UBE3B: variants seen among roughly 807,000 people sequenced by gnomAD.
UBE3B encodes ubiquitin protein ligase E3B.
Under a neutral mutation model 132.3 loss-of-function variants are expected in UBE3B, and 80 were observed. The observed-to-expected ratio is 0.60, with a 90% CI of 0.50 to 0.73. The LOEUF is 0.73. Ranked by LOEUF, UBE3B falls within the 30% of genes least tolerant of loss-of-function variation. The pLI is 0.00. For missense variants in UBE3B, 1,196 were observed against 1,362.5 expected (o/e 0.88, Z 1.92); for synonymous variants, 487 against 520.4 (o/e 0.94, Z 0.87).
chr12:109,501,456 C>G lies in UBE3B; in HGVS notation c.1204C>G (p.Leu402Val). ...GATCCGGATCTTCTTCTGTGACATCCTGAGCAAGAAGCTACTGGAGAGCCA... is the reference window on the plus strand; with the variant it reads ...GATCCGGATCTTCTTCTGTGACATCGTGAGCAAGAAGCTACTGGAGAGCCA... Reference protein sequence around the residue: ...PLIRIFFCDILSKKLLESQEP... With the variant: ...PLIRIFFCDIVSKKLLESQEP... The change falls in exon 13 of 28, where the codon CTG becomes GTG. Residue 402 changes from leucine (L) to valine (V), a missense_variant. Leu to Val is a conservative substitution (Grantham distance 32, BLOSUM62 1). Transcript: ENST00000342494. The G allele has an allele frequency of 4.3e-6, 7 of 1,614,174 alleles. No homozygotes were observed. The highest frequency in any genetic ancestry group is 5.9e-6 in the Non-Finnish European group (7 of 1,180,010).
At chr12:109,498,157 G>A (rs1437776749) in intron 10 of UBE3B, 76 bp from the exon 11 acceptor site, 1 of 1,578,508 alleles carries the variant, frequency 6.3e-7, no homozygotes, top group African/African-American at 1.4e-5. Flanking sequence ...CGGGTGATCT[G>A]CAAGTGATCA....
At chr12:109,480,322 A>G (rs775413330) in intron 1 of UBE3B, among the ~76,000 whole-genome samples, 1 of 151,986 alleles carries the variant, frequency 6.6e-6, no homozygotes, top group Non-Finnish European at 1.5e-5. Context: ...AGTCCTCATT[A>G]TCAACCTCTA....
rs1309054370 is a variant in UBE3B at position 109,530,596 on chromosome 12, A to T, written c.2860A>T (p.Ile954Phe). Residue 954 changes from isoleucine to phenylalanine, a missense_variant, in exon 26 of 28, where the codon ATC (isoleucine) becomes TTC (phenylalanine). Transcript: ENST00000342494. ...GGFHGSHRVI[I>F]WLWDILASDF... ...TTTCCATGGAAGTCACAGAGTCATC[A>T]TCTGGCTCTGGGATATTCTGGCCTC... The T allele has an allele frequency of 6.2e-7, 1 of 1,614,088 alleles. No homozygotes were observed. Among genetic ancestry groups the T allele is most frequent in the Non-Finnish European group, 8.5e-7 (1 of 1,180,042 alleles).
intron 19 of UBE3B, chr12:109,519,592 T>G (rs1374660045): frequency 5.9e-5 from 9 of 152,246 alleles, no homozygotes; most frequent in Non-Finnish European, 1.0e-4. Context: ...TAAAGCAGGT[T>G]GGAGGAACTC....
At chr12:109,530,692 T>C (rs953540878) in intron 26 of UBE3B, 34 bp downstream of exon 26, 1 of 1,572,632 alleles carries the variant, frequency 6.4e-7, no homozygotes. Flanking sequence ...TGCATGCATG[T>C]ATTCTCATAA....
At chr12:109,542,581 AGGTCATATAGGAGTAG>A in the UBE3B span, among the ~76,000 whole-genome samples, 2 of 152,198 alleles carry the variant, frequency 1.3e-5, no homozygotes, top group Admixed American at 1.3e-4. Context: ...AGTTCAGATG[AGGTCATATAGGAGTAG>A]GGTGGGACCC....
chr12:109,530,894 G>T (rs528171156), intron 26 of UBE3B, among the ~76,000 whole-genome samples: 1 of 152,218 alleles, frequency 6.6e-6, no homozygotes, highest in Non-Finnish European at 1.5e-5. Flanking sequence ...CCCTGCACAG[G>T]TGGGCATACC....
chr12:109,501,813 C>T (rs1323438373), intron 13 of UBE3B, among the ~76,000 whole-genome samples: 1 of 151,978 alleles, frequency 6.6e-6, no homozygotes, highest in Non-Finnish European at 1.5e-5. Context: ...TACTGCCATG[C>T]CTGGCTAATT....
intron 1 of UBE3B, 97 bp from the exon 2 acceptor site, chr12:109,481,540 A>G (rs1045611731): frequency 6.6e-5 from 10 of 152,202 alleles, no homozygotes; most frequent in Non-Finnish European, 1.3e-4. Context: ...AACCATTGGC[A>G]TTGTAGTTAC....
chr12:109,510,906 TA>T (rs1880288775), intron 17 of UBE3B, among the ~76,000 whole-genome samples: 1 of 152,234 alleles, frequency 6.6e-6, no homozygotes, highest in Non-Finnish European at 1.5e-5. Flanking sequence ...GTTCAAGCTT[TA>T]TGGCAACTGC....
rs759145811 is a variant in UBE3B at position 109,511,253 on chromosome 12, C to T, written c.1906C>T (p.Arg636Trp). 19 of 1,614,168 alleles carry T rather than the reference C, an allele frequency of 1.2e-5. No individual in the cohort carries two copies. Among genetic ancestry groups the T allele is most frequent in the South Asian group, 5.5e-5 (5 of 91,082 alleles). The change falls in exon 18 of 28, where the codon CGG becomes TGG. Residue 636 changes from arginine (R) to tryptophan (W), a missense_variant. Physicochemically the swap from Arg to Trp is moderately radical, Grantham distance 101. Transcript: ENST00000342494. ...LFQELDRDRK[R>W]AQLILQYIPH... ...CCAAGAACTCGACAGGGACAGAAAA[C>T]GGGCACAGTTGATCCTGCAGTACAT...
chr12:109,505,293 C>T lies in UBE3B; in HGVS notation c.1450+2103C>T, dbSNP rs568227696. On this transcript the variant is annotated intron_variant, in intron 14 of 27. Coordinates refer to ENST00000342494, the MANE Select transcript of UBE3B (RefSeq NM_130466.4). The stretch of plus-strand genomic sequence containing the variant: ...TGTGCTCCTCACACACATCTGATAG[C>T]ACTGGCACTGCTGCTGGTCTGTCTG... 1.7e-3 allele frequency among the ~76,000 whole-genome samples: 263 copies of T among 152,324 alleles called. 3 individuals carry two copies. Among genetic ancestry groups the T allele is most frequent in the Non-Finnish European group, 3.2e-3 (215 of 68,028 alleles).
chr12:109,502,493 G>A (rs1018190088), intron 13 of UBE3B, among the ~76,000 whole-genome samples: 6 of 152,212 alleles, frequency 3.9e-5, no homozygotes, highest in African/African-American at 1.4e-4. Flanking sequence ...TCTACTGAGT[G>A]TGTTGCAAAA....
chr12:109,506,262 C>T (rs1278148657), intron 14 of UBE3B, among the ~76,000 whole-genome samples: 3 of 152,382 alleles, frequency 2.0e-5, no homozygotes, highest in South Asian at 2.1e-4. Flanking sequence ...GGTCAGCAGA[C>T]TACTGTTGGG....
Position 109,499,522 on chromosome 12 carries a change from A to G in UBE3B, c.941-111A>G, listed in dbSNP as rs549889669. ...ATTGACAGGTGCCCCTTATGTGGAA[A>G]TTTCTTGCTGCACATGGGATGTGGC... On this transcript the variant is annotated intron_variant, in intron 11 of 27. Transcript: ENST00000342494. 5 of 1,141,256 alleles carry G rather than the reference A, an allele frequency of 4.4e-6. No individual in the cohort carries two copies. In the South Asian group the frequency reaches 1.1e-4, roughly 25 times the overall value. 70.7% of individuals were successfully genotyped at this position (1,141,256 alleles called of 1,614,324 possible).
At chr12:109,483,023 T>C (rs997512093) in intron 2 of UBE3B, among the ~76,000 whole-genome samples, 1 of 152,266 alleles carries the variant, frequency 6.6e-6, no homozygotes, top group African/African-American at 2.4e-5. Flanking sequence ...AATATTTGTT[T>C]AGTGAATGGA....
downstream of UBE3B, among the ~76,000 whole-genome samples, chr12:109,541,098 T>C (rs1883601621): frequency 6.6e-6 from 1 of 152,226 alleles, no homozygotes; most frequent in African/African-American, 2.4e-5. Flanking sequence ...AAACCACTGC[T>C]GCATCCCTCA....
rs143576048 is a variant in UBE3B at position 109,489,218 on chromosome 12, A to T, written c.544+550A>T. Among the ~76,000 whole-genome samples the T allele has an allele frequency of 2.5e-3, 377 of 152,344 alleles. 1 individual carries two copies. The highest frequency in any genetic ancestry group is 3.5e-3 in the Non-Finnish European group (239 of 68,038). The stretch of plus-strand genomic sequence containing the variant: ...AGGTGCTCCCTTCCTCACAGAACTT[A>T]AAGTCCGATGAGGAAAACAGGCATT... On this transcript the variant is annotated intron_variant, in intron 7 of 27. Coordinates refer to ENST00000342494, the MANE Select transcript of UBE3B (RefSeq NM_130466.4).
At chr12:109,490,160 C>T in intron 8 of UBE3B, 156 bp downstream of exon 8, 2 of 882,576 alleles carry the variant, frequency 2.3e-6, no homozygotes, top group East Asian at 2.6e-5. Context: ...CTTCCCCTGC[C>T]TTGTCTCACT....
Sources: gnomAD v4.1 joint callset for allele counts (sites outside exome capture counted in the v4.1 genomes callset) on GRCh38, gnomAD v4.1.1 for gene constraint, MANE v1.5 for transcripts, NCBI Gene and HGNC (gene_info 2026-07-23, HGNC 2026-07-21) for gene names.